GLP2R: variants seen among roughly 807,000 people sequenced by gnomAD.
GLP2R encodes glucagon-like peptide 2 receptor.
Under a neutral mutation model 68.2 loss-of-function variants are expected in GLP2R, and 59 were observed. The observed-to-expected ratio is 0.87, with a 90% CI of 0.70 to 1.07. GLP2R has a LOEUF of 1.07. Ranked by LOEUF, GLP2R falls within the 50% of genes least tolerant of loss-of-function variation. The pLI is 0.00. For synonymous variants in GLP2R, 270 were observed against 265.4 expected (o/e 1.02, Z -0.17); for missense variants, 548 against 677.4 (o/e 0.81, Z 2.12).
At chr17:9,885,726 C>T (rs907635008) in intron 11 of GLP2R, among the ~76,000 whole-genome samples, 5 of 141,798 alleles carry the variant, frequency 3.5e-5, no homozygotes, top group African/African-American at 7.8e-5. Flanking sequence ...GTCACTTTTA[C>T]GACATTGTAT....
chr17:9,872,021 C>T (rs2067099270), intron 10 of GLP2R, among the ~76,000 whole-genome samples: 2 of 152,166 alleles, frequency 1.3e-5, no homozygotes, highest in Non-Finnish European at 2.9e-5. Context: ...CCACACGTGG[C>T]CTATTCTTTG....
At chr17:9,858,753 A>G (rs1382690669) in intron 6 of GLP2R, among the ~76,000 whole-genome samples, 1 of 152,186 alleles carries the variant, frequency 6.6e-6, no homozygotes, top group Non-Finnish European at 1.5e-5. Flanking sequence ...TATTGGCATA[A>G]TATTGTTCAT....
At position 9,862,090 on chromosome 17, in the gene GLP2R, A is replaced by G. The variant is rs761399385; in HGVS notation, c.1056A>G (p.Thr352=). 3 of 1,608,122 alleles carry G rather than the reference A, an allele frequency of 1.9e-6. No homozygotes were observed. Among genetic ancestry groups the G allele is most frequent in the East Asian group, 2.2e-5 (1 of 44,866 alleles). Reference sequence around the variant, plus strand: ...GAGGACCCATGATGCTCTGTGTAACAGTAAGGACCATCCCATCCACCTCTT... The same window carrying G: ...GAGGACCCATGATGCTCTGTGTAACGGTAAGGACCATCCCATCCACCTCTT... ...IIRGPMMLCV[T]VNFFIFLKIL... is the part of the protein sequence containing the mutation. Residue 352 remains threonine, a splice_region_variant and synonymous_variant, in exon 9 of 13, where the codon ACA becomes ACG. Coordinates refer to ENST00000262441, the MANE Select transcript of GLP2R (RefSeq NM_004246.3).
chr17:9,826,173 T>A lies in GLP2R; in HGVS notation c.110T>A (p.Leu37His), dbSNP rs1309496472. Residue 37 changes from leucine (L) to histidine (H), a missense_variant, in exon 1 of 13, where the codon CTC (leucine) becomes CAC (histidine). Leu to His is a moderately conservative substitution (Grantham distance 99). Transcript: ENST00000262441. ...GIPAPWGTSP[L>H]SFHRKCSLWA... is the part of the protein sequence containing the mutation. Reference sequence around the variant, plus strand: ...CCTGCCCCCTGGGGGACCAGTCCTCTCTCCTTCCACAGGAAGTGCTCTCTC... The same window carrying A: ...CCTGCCCCCTGGGGGACCAGTCCTCACTCCTTCCACAGGAAGTGCTCTCTC... 6.2e-7 allele frequency: 1 copy of A among 1,613,198 alleles called. No individual in the cohort carries two copies. The highest frequency in any genetic ancestry group is 8.5e-7 in the Non-Finnish European group (1 of 1,179,716).
chr17:9,889,575 G>C lies in GLP2R; in HGVS notation c.1532G>C (p.Gly511Ala), dbSNP rs1384633205. 6.2e-7 allele frequency: 1 copy of C among 1,614,144 alleles called. No individual in the cohort carries two copies. The highest frequency in any genetic ancestry group is 2.2e-5 in the East Asian group (1 of 44,876). ...CTACATCTAGCCATGCGAGGTCTTG[G>C]GGAGCTGGGCGCCCAGCCCCAACAG... ...RLLHLAMRGL[G>A]ELGAQPQQDH... is the part of the protein sequence containing the mutation. Residue 511 changes from glycine to alanine, a missense_variant, in exon 13 of 13, where the codon GGG becomes GCG. Physicochemically the swap from Gly to Ala is moderately conservative, Grantham distance 60. Transcript: ENST00000262441.
intron 3 of GLP2R, 62 bp downstream of exon 3, chr17:9,836,537 C>T: frequency 1.1e-6 from 1 of 889,668 alleles, no homozygotes; most frequent in Non-Finnish European, 1.9e-6. Flanking sequence ...TCCTCTTCCC[C>T]CACAAACAGT....
intron 9 of GLP2R, chr17:9,866,888 C>T (rs2067042971): frequency 6.6e-6 from 1 of 152,158 alleles, no homozygotes; most frequent in Non-Finnish European, 1.5e-5. Flanking sequence ...GTGGAAGGAA[C>T]CTGGATTCCT....
chr17:9,879,769 A>G (rs2067178564), intron 10 of GLP2R, among the ~76,000 whole-genome samples: 1 of 152,082 alleles, frequency 6.6e-6, no homozygotes, highest in African/African-American at 2.4e-5. Context: ...TCAGTTTTTC[A>G]TTTCCTGCAG....
Position 9,890,251 on chromosome 17 carries a change from A to G in GLP2R, c.*546A>G, listed in dbSNP as rs2067280094. 4 of 350,298 alleles carry G rather than the reference A, an allele frequency of 1.1e-5. No individual in the cohort carries two copies. Among genetic ancestry groups the G allele is most frequent in the Admixed American group, 7.7e-5 (2 of 26,030 alleles). The allele number at this position is 350,298 out of a possible 1,614,324, so 21.7% of individuals were successfully genotyped here. Reference sequence around the variant, plus strand: ...AGCCCACCCTTGGAGAACACTGGGCAGGGTGAGAGGGAGCTAGAAGCGCCC... The same window carrying G: ...AGCCCACCCTTGGAGAACACTGGGCGGGGTGAGAGGGAGCTAGAAGCGCCC... On this transcript the variant is annotated 3_prime_UTR_variant, in exon 13 of 13. Coordinates refer to ENST00000262441, the MANE Select transcript of GLP2R (RefSeq NM_004246.3).
chr17:9,856,872 G>A (rs530088639), intron 5 of GLP2R, among the ~76,000 whole-genome samples: 2 of 152,220 alleles, frequency 1.3e-5, no homozygotes, highest in Admixed American at 6.5e-5. Flanking sequence ...AGCTGCATAT[G>A]TAAATGATTT....
At chr17:9,840,516 G>C (rs1055985454) in intron 3 of GLP2R, among the ~76,000 whole-genome samples, 8 of 152,208 alleles carry the variant, frequency 5.3e-5, no homozygotes, top group African/African-American at 1.9e-4. Context: ...AAGTGCTTGG[G>C]ATATATTAGT....
chr17:9,827,969 A>AAG (rs1440821696), intron 1 of GLP2R, among the ~76,000 whole-genome samples: 98 of 151,624 alleles, frequency 6.5e-4, no homozygotes, highest in African/African-American at 2.2e-3. Context: ...TCAAAAAAAA[A>AAG]AAAAAAAAAA....
chr17:9,886,247 A>C (rs760905868), intron 11 of GLP2R, among the ~76,000 whole-genome samples: 1 of 152,226 alleles, frequency 6.6e-6, no homozygotes, highest in Non-Finnish European at 1.5e-5. Context: ...GAGTTCCACC[A>C]GCCTCCTGCT....
chr17:9,852,448 C>T (rs898184419), intron 4 of GLP2R, among the ~76,000 whole-genome samples: 7 of 152,150 alleles, frequency 4.6e-5, no homozygotes, highest in African/African-American at 1.7e-4. Context: ...ATATGTGCCA[C>T]ATTTTCTTTA....
chr17:9,844,442 A>G (rs1287797626), intron 4 of GLP2R, among the ~76,000 whole-genome samples: 3 of 151,964 alleles, frequency 2.0e-5, no homozygotes, highest in African/African-American at 7.3e-5. Flanking sequence ...GGATAGGAAG[A>G]GAGCGCCCAG....
At chr17:9,847,941 G>A (rs2066856635) in intron 4 of GLP2R, among the ~76,000 whole-genome samples, 1 of 152,180 alleles carries the variant, frequency 6.6e-6, no homozygotes, top group African/African-American at 2.4e-5. Flanking sequence ...CTTGAGGCCA[G>A]GAGTTTGAGA....
chr17:9,879,291 T>TAAAATA (rs11396066), intron 10 of GLP2R, among the ~76,000 whole-genome samples: 5 of 26,776 alleles, frequency 1.9e-4, no homozygotes, highest in Non-Finnish European at 3.2e-4. Context: ...TAAAATAAAA[T>TAAAATA]AAATAAAATA....
At chr17:9,870,243 G>A (rs927972117) in intron 9 of GLP2R, among the ~76,000 whole-genome samples, 8 of 152,132 alleles carry the variant, frequency 5.3e-5, no homozygotes, top group Admixed American at 5.2e-4. Flanking sequence ...ATTGTTTTAT[G>A]AGGATAAAAA....
At chr17:9,829,789 A>G (rs2066664100) in intron 1 of GLP2R, among the ~76,000 whole-genome samples, 1 of 152,252 alleles carries the variant, frequency 6.6e-6, no homozygotes, top group East Asian at 1.9e-4. Flanking sequence ...TAATGAGATG[A>G]TAATTTCACC....
Sources: allele counts gnomAD v4.1 joint callset (sites outside exome capture counted in the v4.1 genomes callset), GRCh38; gene constraint gnomAD v4.1.1; transcripts MANE v1.5; gene names NCBI Gene and HGNC (gene_info 2026-07-23, HGNC 2026-07-21).